CSNK2A2IP: variants seen among roughly 807,000 people sequenced by gnomAD.
CSNK2A2IP encodes the protein casein kinase II subunit alpha'-interacting protein.
the CSNK2A2IP span, among the ~76,000 whole-genome samples, chr3:88,421,688 A>G: frequency 6.6e-6 from 1 of 152,168 alleles, no homozygotes. Flanking sequence ...AAATGCTGGG[A>G]TTACAGGCAT....
chr3:88,452,314 A>C, the CSNK2A2IP span, among the ~76,000 whole-genome samples: 12 of 152,208 alleles, frequency 7.9e-5, no homozygotes, highest in South Asian at 1.5e-3. Context: ...AAAGCGAAAA[A>C]ATTATACAGA....
At chr3:88,360,422 T>C in the CSNK2A2IP span, among the ~76,000 whole-genome samples, 66,600 of 152,024 alleles carry the variant, frequency 0.44, 15,843 homozygotes, top group South Asian at 0.62. Flanking sequence ...CGTGAGCCAC[T>C]GCGCCCGGCC....
the CSNK2A2IP span, among the ~76,000 whole-genome samples, chr3:88,462,822 G>T: frequency 6.6e-6 from 1 of 152,084 alleles, no homozygotes; most frequent in African/African-American, 2.4e-5. Flanking sequence ...GGAACTTTTG[G>T]ATAACGAAGC....
the CSNK2A2IP span, among the ~76,000 whole-genome samples, chr3:88,412,111 A>C: frequency 6.6e-6 from 1 of 151,930 alleles, no homozygotes; most frequent in South Asian, 2.1e-4. Context: ...GTCATAAACA[A>C]CTATGATAGG....
the CSNK2A2IP span, among the ~76,000 whole-genome samples, chr3:88,397,046 C>T: frequency 6.6e-6 from 1 of 152,048 alleles, no homozygotes; most frequent in African/African-American, 2.4e-5. Flanking sequence ...TTAAGAAAAA[C>T]AAGAGGGCAT....
the CSNK2A2IP span, chr3:88,466,106 T>C: frequency 8.1e-7 from 1 of 1,231,508 alleles, no homozygotes; most frequent in Non-Finnish European, 1.0e-6. Flanking sequence ...AACACAAAAC[T>C]TCAAACAAGT....
chr3:88,406,598 T>C, the CSNK2A2IP span, among the ~76,000 whole-genome samples: 1 of 152,226 alleles, frequency 6.6e-6, no homozygotes, highest in Non-Finnish European at 1.5e-5. Flanking sequence ...ACTGATTGAA[T>C]GATTTTAAGT....
At chr3:88,432,220 C>T in the CSNK2A2IP span, among the ~76,000 whole-genome samples, 16 of 151,646 alleles carry the variant, frequency 1.1e-4, no homozygotes, top group Admixed American at 2.0e-4. Context: ...AATATTTTCA[C>T]AATTGTTTTA....
the CSNK2A2IP span, among the ~76,000 whole-genome samples, chr3:88,369,153 A>G: frequency 1.3e-5 from 2 of 152,020 alleles, no homozygotes; most frequent in Non-Finnish European, 2.9e-5. Flanking sequence ...CCTATTGATT[A>G]TCAGCTACAG....
At chr3:88,388,308 T>C in the CSNK2A2IP span, among the ~76,000 whole-genome samples, 1 of 152,232 alleles carries the variant, frequency 6.6e-6, no homozygotes. Flanking sequence ...CTTCTAGTCA[T>C]TTTTGGTGCT....
chr3:88,394,534 A>G, the CSNK2A2IP span, among the ~76,000 whole-genome samples: 1 of 152,048 alleles, frequency 6.6e-6, no homozygotes, highest in African/African-American at 2.4e-5. Context: ...CACCACGGCC[A>G]GCGAATTTTT....
the CSNK2A2IP span, among the ~76,000 whole-genome samples, chr3:88,464,568 AG>A: frequency 1.3e-5 from 2 of 152,058 alleles, no homozygotes; most frequent in African/African-American, 4.8e-5. Flanking sequence ...TATAGTCAAA[AG>A]TTTCAATGCT....
chr3:88,412,361 A>G, the CSNK2A2IP span, among the ~76,000 whole-genome samples: 22 of 152,052 alleles, frequency 1.4e-4, no homozygotes, highest in African/African-American at 5.3e-4. Context: ...AGTGGATAGC[A>G]TTGGGATCAT....
At chr3:88,383,654 T>TC in the CSNK2A2IP span, among the ~76,000 whole-genome samples, 69 of 16,120 alleles carry the variant, frequency 4.3e-3, no homozygotes, top group Admixed American at 0.022. Flanking sequence ...TTTCTTTCTT[T>TC]TTTTTTTTTT....
the CSNK2A2IP span, among the ~76,000 whole-genome samples, chr3:88,439,996 C>A: frequency 6.6e-6 from 1 of 152,086 alleles, no homozygotes; most frequent in Non-Finnish European, 1.5e-5. Context: ...AACTTCATTC[C>A]ATTAACTGAC....
At chr3:88,401,427 G>T in the CSNK2A2IP span, among the ~76,000 whole-genome samples, 1 of 152,038 alleles carries the variant, frequency 6.6e-6, no homozygotes, top group Non-Finnish European at 1.5e-5. Context: ...TTCAGTTCAT[G>T]CAGCAAGTGT....
At chr3:88,377,227 A>G in the CSNK2A2IP span, among the ~76,000 whole-genome samples, 3 of 151,960 alleles carry the variant, frequency 2.0e-5, no homozygotes, top group South Asian at 2.1e-4. Flanking sequence ...CTCAAAGTCA[A>G]TATTTCTGAA....
At chr3:88,447,401 T>C in the CSNK2A2IP span, among the ~76,000 whole-genome samples, 1 of 152,088 alleles carries the variant, frequency 6.6e-6, no homozygotes, top group Non-Finnish European at 1.5e-5. Context: ...TGAAGGGAAA[T>C]TTAGAAACGT....
At chr3:88,383,133 T>C in the CSNK2A2IP span, among the ~76,000 whole-genome samples, 1 of 152,158 alleles carries the variant, frequency 6.6e-6, no homozygotes, top group East Asian at 1.9e-4. Context: ...TCTTCTTCTC[T>C]TTTGGAGGTC....
Sources: allele counts gnomAD v4.1 joint callset (sites outside exome capture counted in the v4.1 genomes callset), GRCh38; gene constraint gnomAD v4.1.1; transcripts MANE v1.5; gene names NCBI Gene and HGNC (gene_info 2026-07-23, HGNC 2026-07-21).